Variants in GRXCR1 observed in about 807,000 individuals in gnomAD.
GRXCR1 encodes the protein glutaredoxin and cysteine rich domain containing 1.
GRXCR1 carries 27 observed loss-of-function variants against 27.3 expected under a neutral mutation model. The observed-to-expected ratio is 0.99, with a 90% CI of 0.73 to 1.37. The LOEUF (loss-of-function observed/expected upper bound fraction) is 1.37, where lower values mean the gene tolerates loss of function less well. Among genes scored for constraint, GRXCR1 ranks in the 40% most tolerant of loss-of-function variants. The pLI, the probability that GRXCR1 is intolerant of heterozygous loss-of-function variation, is 0.00. For synonymous variants in GRXCR1, 122 were observed against 131.1 expected, an observed-to-expected ratio of 0.93 and a Z score of 0.47; for missense variants, 379 against 354.4, an observed-to-expected ratio of 1.07 and a Z score of -0.56.
At chr4:42,937,566 C>T (rs1747489795) in intron 1 of GRXCR1, among the ~76,000 whole-genome samples, 1 of 151,820 alleles carries the variant, frequency 6.6e-6, no homozygotes, top group Non-Finnish European at 1.5e-5. Context: ...CCATATGCAA[C>T]CATTTGTATC....
chr4:43,024,995 TTGA>T (rs2109809599), intron 3 of GRXCR1, among the ~76,000 whole-genome samples: 1 of 152,304 alleles, frequency 6.6e-6, no homozygotes, highest in East Asian at 1.9e-4. Flanking sequence ...GGAATAGGAT[TTGA>T]TGATCTGAGG....
chr4:43,019,644 C>A (rs114333242), intron 2 of GRXCR1, among the ~76,000 whole-genome samples: 1 of 152,078 alleles, frequency 6.6e-6, no homozygotes, highest in Non-Finnish European at 1.5e-5. Context: ...TGGAGTAGTT[C>A]GAAGAAACAC....
At chr4:42,901,709 G>A (rs67995970) in intron 1 of GRXCR1, among the ~76,000 whole-genome samples, 44,789 of 152,040 alleles carry the variant, frequency 0.29, 7,141 homozygotes, top group Middle Eastern at 0.37. Context: ...AGCTTATTTT[G>A]TACATGAAAA....
intron 1 of GRXCR1, among the ~76,000 whole-genome samples, chr4:42,951,557 A>G (rs1747884460): frequency 6.6e-6 from 1 of 152,212 alleles, no homozygotes; most frequent in African/African-American, 2.4e-5. Flanking sequence ...GATCCCAGTC[A>G]TCGTAATGCT....
rs113597390 is a variant in GRXCR1, at chr4:42,976,158, C to T, written c.627+13024C>T. On this transcript the variant is annotated intron_variant, in intron 2 of 3. Coordinates refer to ENST00000399770, the MANE Select transcript of GRXCR1 (RefSeq NM_001080476.3). ...GTTTAATGATTTTTTTATGTCAAAACCTGAGGCTTTAATTTAGTACTTTGG... is the reference window on the plus strand; with the variant it reads ...GTTTAATGATTTTTTTATGTCAAAATCTGAGGCTTTAATTTAGTACTTTGG... 3.1e-3 allele frequency among the ~76,000 whole-genome samples: 474 copies of T among 151,972 alleles called. 3 individuals are homozygous for T. The highest frequency in any genetic ancestry group is 0.011 in the African/African-American group (451 of 41,482).
chr4:42,906,022 T>C (rs772805748), intron 1 of GRXCR1, among the ~76,000 whole-genome samples: 2 of 152,214 alleles, frequency 1.3e-5, no homozygotes, highest in Non-Finnish European at 2.9e-5. Flanking sequence ...AGTAATCTCA[T>C]TTCATGAACT....
At chr4:42,984,011 C>A (rs1711586415) in intron 2 of GRXCR1, among the ~76,000 whole-genome samples, 1 of 151,628 alleles carries the variant, frequency 6.6e-6, no homozygotes, top group Non-Finnish European at 1.5e-5. Context: ...AATTTTTGTA[C>A]CTTTAGTAGA....
At chr4:42,996,712 A>T (rs1227687226) in intron 2 of GRXCR1, among the ~76,000 whole-genome samples, 1 of 152,070 alleles carries the variant, frequency 6.6e-6, no homozygotes, top group Non-Finnish European at 1.5e-5. Flanking sequence ...CTTAATTATC[A>T]TGTTTTGAAG....
At chr4:42,983,260 A>T (rs1711544874) in intron 2 of GRXCR1, among the ~76,000 whole-genome samples, 1 of 147,758 alleles carries the variant, frequency 6.8e-6, no homozygotes, top group Admixed American at 6.8e-5. Flanking sequence ...ATCCAGTTTC[A>T]GCTTTCTACA....
intron 2 of GRXCR1, among the ~76,000 whole-genome samples, chr4:42,986,487 C>T (rs1353527529): frequency 6.6e-6 from 1 of 152,082 alleles, no homozygotes; most frequent in East Asian, 1.9e-4. Flanking sequence ...GATTAGGATT[C>T]GTGGTTTCAA....
At chr4:42,964,220 G>C (rs2109775794) in intron 2 of GRXCR1, among the ~76,000 whole-genome samples, 2 of 152,006 alleles carry the variant, frequency 1.3e-5, no homozygotes, top group South Asian at 4.2e-4. Context: ...GACAATAGCA[G>C]TAACAATCAT....
chr4:43,017,250 C>T (rs1467025460), intron 2 of GRXCR1, among the ~76,000 whole-genome samples: 1 of 152,182 alleles, frequency 6.6e-6, no homozygotes. Flanking sequence ...TGAGTTCAAA[C>T]CACAGTCTCT....
chr4:42,936,728 G>A (rs1171084821), intron 1 of GRXCR1, among the ~76,000 whole-genome samples: 2 of 151,768 alleles, frequency 1.3e-5, no homozygotes, highest in African/African-American at 4.8e-5. Context: ...CTTGATAGTC[G>A]TGGAGAGTGC....
At chr4:42,971,389 C>G (rs549196576) in intron 2 of GRXCR1, among the ~76,000 whole-genome samples, 2 of 152,052 alleles carry the variant, frequency 1.3e-5, no homozygotes, top group Non-Finnish European at 2.9e-5. Context: ...TTTCACACTG[C>G]TATAAAGAAC....
chr4:43,012,949 C>G (rs1432680593), intron 2 of GRXCR1, among the ~76,000 whole-genome samples: 3 of 152,062 alleles, frequency 2.0e-5, no homozygotes, highest in African/African-American at 7.2e-5. Flanking sequence ...AAAAAATACT[C>G]AACATCACTA....
chr4:43,020,737 A>G (rs748050909), intron 3 of GRXCR1, among the ~76,000 whole-genome samples: 12 of 152,204 alleles, frequency 7.9e-5, no homozygotes, highest in Non-Finnish European at 1.8e-4. Flanking sequence ...AAAATTTTTC[A>G]TTGAAACAAC....
chr4:42,997,005 C>G (rs1712188839), intron 2 of GRXCR1, among the ~76,000 whole-genome samples: 2 of 152,052 alleles, frequency 1.3e-5, no homozygotes, highest in Non-Finnish European at 1.5e-5. Context: ...TTCCTTAATT[C>G]CCACTATATC....
rs534337032 is a variant in GRXCR1, at chr4:42,892,945, C to T, written c.-322C>T. 6.6e-6 allele frequency among the ~76,000 whole-genome samples: 1 copy of T among 152,210 alleles called. No individual in the cohort carries two copies. Among genetic ancestry groups the T allele is most frequent in the African/African-American group, 2.4e-5 (1 of 41,548 alleles). ...AGTTCAAGCCTTTCATTTTCTTGCC[C>T]CATACATATTTTCAGATTCGCTGCA... is the stretch of plus-strand genomic sequence containing the variant. On this transcript the variant is annotated 5_prime_UTR_variant, in exon 1 of 4. Transcript: ENST00000399770.
intron 1 of GRXCR1, among the ~76,000 whole-genome samples, chr4:42,936,635 C>G (rs1747464649): frequency 6.6e-6 from 1 of 151,790 alleles, no homozygotes; most frequent in African/African-American, 2.4e-5. Flanking sequence ...TAGGGTTCAT[C>G]TGGTGTCCTT....
Sources: allele counts gnomAD v4.1 joint callset (sites outside exome capture counted in the v4.1 genomes callset), GRCh38; gene constraint gnomAD v4.1.1; transcripts MANE v1.5; gene names NCBI Gene and HGNC (gene_info 2026-07-23, HGNC 2026-07-21).